Variants in TMEM131 observed in about 807,000 individuals in gnomAD.
TMEM131 encodes the protein 2610524E03Rik.
TMEM131 carries 66 observed loss-of-function variants against 211.6 expected under a neutral mutation model. The observed-to-expected ratio is 0.31, with a 90% CI of 0.26 to 0.38. The LOEUF (loss-of-function observed/expected upper bound fraction) is 0.38, where lower values mean the gene tolerates loss of function less well. Ranked by LOEUF, TMEM131 falls within the 10% of genes least tolerant of loss-of-function variation. The pLI is 1.00. For synonymous variants in TMEM131, 844 were observed against 841.3 expected, an observed-to-expected ratio of 1.00 and a Z score of -0.06; for missense variants, 2,036 against 2,299.3, an observed-to-expected ratio of 0.89 and a Z score of 2.34.
chr2:97,784,952 A>G (rs1680181224), intron 31 of TMEM131, among the ~76,000 whole-genome samples: 1 of 152,162 alleles, frequency 6.6e-6, no homozygotes, highest in Non-Finnish European at 1.5e-5. Flanking sequence ...GACCCTACAG[A>G]CATCAACATG....
intron 4 of TMEM131, among the ~76,000 whole-genome samples, chr2:97,867,454 G>A (rs11123949): frequency 0.75 from 113,991 of 152,150 alleles, 44,359 homozygotes; most frequent in African/African-American, 0.87. Flanking sequence ...TTTATTTGTA[G>A]TAACTTTTTG....
chr2:97,925,151 C>T (rs1416086540), intron 2 of TMEM131, among the ~76,000 whole-genome samples: 3 of 152,112 alleles, frequency 2.0e-5, no homozygotes, highest in Non-Finnish European at 4.4e-5. Flanking sequence ...GGATTACAGG[C>T]GTGAACCACT....
At chr2:97,939,522 G>C (rs1192248687) in intron 1 of TMEM131, among the ~76,000 whole-genome samples, 1 of 152,124 alleles carries the variant, frequency 6.6e-6, no homozygotes, top group Non-Finnish European at 1.5e-5. Flanking sequence ...CTGAAACTGA[G>C]GCAATAATTA....
chr2:97,804,146 G>C (rs1681169758), intron 22 of TMEM131, among the ~76,000 whole-genome samples: 1 of 152,130 alleles, frequency 6.6e-6, no homozygotes, highest in Non-Finnish European at 1.5e-5. Flanking sequence ...CTTGAGAAGA[G>C]CAGTTTCCAT....
intron 23 of TMEM131, 29 bp downstream of exon 23, chr2:97,802,623 C>T (rs1309909973): frequency 1.2e-6 from 2 of 1,609,588 alleles, no homozygotes; most frequent in African/African-American, 2.7e-5. Context: ...TATGTATTTC[C>T]AAAAACCAAT....
rs752571243 is a variant in TMEM131, at chr2:97,888,140, A to C, written c.291-20T>G. The C allele has an allele frequency of 6.3e-7, 1 of 1,599,466 alleles. No homozygotes were observed. The highest frequency in any genetic ancestry group is 1.1e-5 in the South Asian group (1 of 89,680). The stretch of plus-strand genomic sequence containing the variant: ...GATATACTGTAAATAAAAAGAAAAC[A>C]ACATAAGAAGCAATTCTTCAAAATA... On this transcript the variant is annotated intron_variant, in intron 3 of 40. Transcript: ENST00000186436.
At chr2:97,916,007 G>A (rs537822693) in intron 2 of TMEM131, among the ~76,000 whole-genome samples, 24 of 152,068 alleles carry the variant, frequency 1.6e-4, no homozygotes, top group Non-Finnish European at 3.4e-4. Flanking sequence ...TCTGCCTCAC[G>A]AGATCAAGCA....
At chr2:97,781,343 C>T (rs1053005978) in intron 31 of TMEM131, among the ~76,000 whole-genome samples, 1 of 152,260 alleles carries the variant, frequency 6.6e-6, no homozygotes, top group Non-Finnish European at 1.5e-5. Flanking sequence ...CTGAGACTCA[C>T]TAACCCAAGT....
intron 4 of TMEM131, among the ~76,000 whole-genome samples, chr2:97,863,172 A>G (rs755106876): frequency 6.6e-6 from 1 of 152,204 alleles, no homozygotes; most frequent in Non-Finnish European, 1.5e-5. Context: ...CTTTCCAGCG[A>G]AAATATCCTT....
chr2:97,818,592 G>C (rs375406247), intron 12 of TMEM131, 21 bp downstream of exon 12: 3 of 1,458,484 alleles, frequency 2.1e-6, no homozygotes, highest in South Asian at 1.2e-5. Context: ...CTCTATCAGA[G>C]AGAAAATGGT....
intron 1 of TMEM131, among the ~76,000 whole-genome samples, chr2:97,958,069 C>A (rs139330329): frequency 1.3e-4 from 20 of 152,198 alleles, no homozygotes; most frequent in African/African-American, 4.3e-4. Flanking sequence ...GCATTCCTAC[C>A]AGAAAGCACA....
intron 6 of TMEM131, among the ~76,000 whole-genome samples, chr2:97,843,512 ATGTT>A (rs1429862325): frequency 6.6e-6 from 1 of 152,088 alleles, no homozygotes; most frequent in African/African-American, 2.4e-5. Flanking sequence ...ATTTATAAAA[ATGTT>A]TTTTGTAGAG....
At chr2:97,972,280 G>A (rs1679330578) in intron 1 of TMEM131, among the ~76,000 whole-genome samples, 1 of 152,032 alleles carries the variant, frequency 6.6e-6, no homozygotes, top group African/African-American at 2.4e-5. Context: ...CCTCAGCTGT[G>A]GGGAATAATC....
In TMEM131 at chr2:97,760,898, G is replaced by T. The variant is rs1467795873; in HGVS notation, c.4906C>A (p.Gln1636Lys). 6.2e-7 allele frequency: 1 copy of T among 1,614,002 alleles called. No homozygotes were observed. The highest frequency in any genetic ancestry group is 1.7e-5 in the Admixed American group (1 of 60,024). ...AACTTGTGTTTGCTTCCATTTGGCT[G>T]TTTTATTTTAGGGTCACTTGAAAAA... ...SSSSSDPKIK[Q>K]PNGSKHKLTK... Residue 1636 changes from glutamine to lysine, a missense_variant, in exon 37 of 41, where the codon CAG becomes AAG. Around this residue, in one of 3 missense-constraint regions of TMEM131, gnomAD observed 1,623 missense variants for 1,805.9 expected, o/e 0.90. Transcript: ENST00000186436.
rs545327579 is a variant in TMEM131, at chr2:97,954,167, G to A, written c.188-26680C>T. Among the ~76,000 whole-genome samples, 3 of 152,140 alleles carry A rather than the reference G, an allele frequency of 2.0e-5. No homozygotes were observed. In the South Asian group the frequency reaches 6.2e-4, roughly 32 times the overall value. ...TAGAATGAAAATTATAAAAACAAGA[G>A]CAGAAACCAATGAAATTGAAAACAG... On this transcript the variant is annotated intron_variant, in intron 1 of 40. Transcript: ENST00000186436.
At chr2:97,961,403 G>A (rs367994462) in intron 1 of TMEM131, among the ~76,000 whole-genome samples, 15 of 152,194 alleles carry the variant, frequency 9.9e-5, no homozygotes, top group East Asian at 5.8e-4. Flanking sequence ...GATAAATACT[G>A]TTTAAAGAAA....
intron 3 of TMEM131, among the ~76,000 whole-genome samples, chr2:97,896,726 C>T (rs1675629597): frequency 6.6e-6 from 1 of 152,084 alleles, no homozygotes; most frequent in African/African-American, 2.4e-5. Flanking sequence ...ATTACCTTGA[C>T]ACATCTGGAC....
chr2:97,978,735 C>A (rs1257793724), intron 1 of TMEM131, among the ~76,000 whole-genome samples: 1 of 152,176 alleles, frequency 6.6e-6, no homozygotes, highest in Non-Finnish European at 1.5e-5. Context: ...CTACTGACAT[C>A]TTGAACTCCT....
At chr2:97,885,817 A>C (rs191804447) in intron 4 of TMEM131, among the ~76,000 whole-genome samples, 2 of 152,324 alleles carry the variant, frequency 1.3e-5, no homozygotes, top group East Asian at 3.9e-4. Flanking sequence ...TGTCCATCTC[A>C]AATTTCAAGA....
Sources: allele counts gnomAD v4.1 joint callset (sites outside exome capture counted in the v4.1 genomes callset), GRCh38; gene constraint gnomAD v4.1.1; regional missense constraint gnomAD v4.1.1; transcripts MANE v1.5; gene names NCBI Gene and HGNC (gene_info 2026-07-23, HGNC 2026-07-21).